The following NUP153 variants were observed in gnomAD, a reference collection of about 807,000 sequenced individuals.
NUP153 encodes the protein nucleoporin 153, also known as nuclear pore complex protein Nup153.
In NUP153, 27 loss-of-function variants were observed where a neutral mutation model predicts 134.6. The observed-to-expected ratio is 0.20, with a 90% CI of 0.15 to 0.28. The LOEUF (loss-of-function observed/expected upper bound fraction) is 0.28, where lower values mean the gene tolerates loss of function less well. NUP153 is among the 10% of genes least tolerant of loss of function. The pLI, the probability that NUP153 is intolerant of heterozygous loss-of-function variation, is 1.00. For missense variants in NUP153, 1,821 were observed against 1,731.3 expected (o/e 1.05, Z -0.92); for synonymous variants, 640 against 623.5 (o/e 1.03, Z -0.40).
At chr6:17,643,647 G>A (rs1765975505) in intron 14 of NUP153, among the ~76,000 whole-genome samples, 1 of 152,156 alleles carries the variant, frequency 6.6e-6, no homozygotes, top group Non-Finnish European at 1.5e-5. Context: ...AGGAGACAAT[G>A]GAAAACTTAG....
intron 11 of NUP153, among the ~76,000 whole-genome samples, chr6:17,657,561 C>CA (rs200578642): frequency 6.2e-4 from 93 of 151,096 alleles, no homozygotes; most frequent in Middle Eastern, 3.4e-3. Context: ...GACCCTGTCT[C>CA]AAAAAAAACA....
chr6:17,616,564 A>C lies in NUP153; in HGVS notation c.4306T>G (p.Phe1436Val), dbSNP rs1221774812. 6.2e-7 allele frequency: 1 copy of C among 1,613,782 alleles called. No individual in the cohort carries two copies. Among genetic ancestry groups the C allele is most frequent in the Non-Finnish European group, 8.5e-7 (1 of 1,179,946 alleles). ...GCTGCTGGAGACTGGTTAAATGGAA[A>C]GCCCCCCGAGCCTGAAGGCTGGGCT... ...ASAQPSGSGGFPFNQSPAAFT... is the reference protein window; with the variant it reads ...ASAQPSGSGGVPFNQSPAAFT... The change falls in exon 21 of 22, where the codon TTT becomes GTT. Residue 1436 changes from phenylalanine (F) to valine (V), a missense_variant. By Grantham distance (50) the Phe-to-Val change is conservative (BLOSUM62 -1). Coordinates refer to ENST00000262077, the MANE Select transcript of NUP153 (RefSeq NM_005124.4).
At chr6:17,690,729 C>G (rs1561908365) in intron 1 of NUP153, among the ~76,000 whole-genome samples, 1 of 152,016 alleles carries the variant, frequency 6.6e-6, no homozygotes, top group Non-Finnish European at 1.5e-5. Flanking sequence ...AAAATCAAGG[C>G]AGAATATATA....
chr6:17,663,999 A>G (rs1767358692), intron 9 of NUP153, among the ~76,000 whole-genome samples: 1 of 152,218 alleles, frequency 6.6e-6, no homozygotes, highest in Admixed American at 6.5e-5. Context: ...ATTACAGCCA[A>G]AAAGTAAAAC....
Position 17,640,047 on chromosome 6 carries a change from C to A in NUP153, c.1738G>T (p.Val580Leu). The A allele has an allele frequency of 6.3e-7, 1 of 1,594,952 alleles. No individual in the cohort carries two copies. The highest frequency in any genetic ancestry group is 8.5e-7 in the Non-Finnish European group (1 of 1,172,270). Residue 580 changes from valine (V) to leucine (L), a missense_variant, in exon 15 of 22, where the codon GTG becomes TTG. Transcript: ENST00000262077. Reference protein sequence around the residue: ...ISSSAHHVTTVNSTNCKKTPP... With the variant: ...ISSSAHHVTTLNSTNCKKTPP... The stretch of plus-strand genomic sequence containing the variant: ...GTCTTCTTACAATTTGTACTGTTCA[C>A]TGTAGTGACATGATGAGCTGTAATT...
chr6:17,621,822 T>C lies in NUP153; in HGVS notation c.4174+2739A>G, dbSNP rs563947131. 1.1e-4 allele frequency among the ~76,000 whole-genome samples: 16 copies of C among 152,328 alleles called. No individual in the cohort carries two copies. The South Asian group carries it at 3.1e-3, about 30-fold the overall frequency. On this transcript the variant is annotated intron_variant, in intron 20 of 21. Transcript: ENST00000262077. ...AATTTATTGTACATTTCAAAATAGC[T>C]AGAAGTTCTGAAATGTTCCCAACAC...
Position 17,661,512 on chromosome 6 carries a change from G to A in NUP153, c.1395+141C>T, listed in dbSNP as rs4716172. 1 allele frequency: 676,449 copies of A among 677,578 alleles called. 337,671 individuals carry two copies. The highest frequency in any genetic ancestry group is 1 in the East Asian group (30,955 of 30,956). The allele number at this position is 677,578 out of a possible 1,614,324, so 42.0% of individuals were successfully genotyped here. A position where few individuals can be genotyped will look rare whatever the true frequency, so the allele number is the denominator to read the frequency against. ...AGGTACTAGATTAGGTTTTCAGCATGCATTTTGAAAGAACTGATTCAATAG... is the reference window on the plus strand; with the variant it reads ...AGGTACTAGATTAGGTTTTCAGCATACATTTTGAAAGAACTGATTCAATAG... On this transcript the variant is annotated intron_variant, in intron 11 of 21. Transcript: ENST00000262077.
At position 17,701,844 on chromosome 6, in the gene NUP153, GA is replaced by G. The variant is rs71002249; in HGVS notation, c.111+4432del. The stretch of plus-strand genomic sequence containing the variant: ...CAAGACTCTGTCTCGGGGGGGGGGG[GA>G]AAAAAGCTAAATGCAGGAACTGACT... On this transcript the variant is annotated intron_variant, in intron 1 of 21. Coordinates refer to ENST00000262077, the MANE Select transcript of NUP153 (RefSeq NM_005124.4). Among the ~76,000 whole-genome samples, 45 of 81,738 alleles carry G rather than the reference GA, an allele frequency of 5.5e-4. 9 individuals carry two copies. Among genetic ancestry groups the G allele is most frequent in the Admixed American group, 9.8e-4 (7 of 7,120 alleles). 53.6% of individuals were successfully genotyped at this position (81,738 alleles called of 152,430 possible). A position where few individuals can be genotyped will look rare whatever the true frequency, so the allele number is the denominator to read the frequency against.
rs762142682 is a variant in NUP153 at position 17,668,069 on chromosome 6, CTTT to C, written c.1068+903_1068+905del. Among the ~76,000 whole-genome samples the C allele has an allele frequency of 3.1e-3, 270 of 87,220 alleles. 3 individuals carry two copies. The highest frequency in any genetic ancestry group is 0.03 in the East Asian group (71 of 2,402). The allele number at this position is 87,220 out of a possible 152,430, so 57.2% of individuals were successfully genotyped here. ...GCAATGAGGACTTTAGTTTACTGAA[CTTT>C]TTTTTTTTTTTTTTTTTTTTTGAGA... On this transcript the variant is annotated intron_variant, in intron 8 of 21. Transcript: ENST00000262077.
intron 17 of NUP153, among the ~76,000 whole-genome samples, chr6:17,632,393 ACT>A (rs1419860164): frequency 2.0e-5 from 3 of 151,948 alleles, no homozygotes; most frequent in Non-Finnish European, 2.9e-5. Context: ...AAAAACAAAA[ACT>A]CTCTGAGGCT....
chr6:17,618,759 G>A lies in NUP153; in HGVS notation c.4175-2064C>T, dbSNP rs527439027. On this transcript the variant is annotated intron_variant, in intron 20 of 21. Transcript: ENST00000262077. Reference sequence around the variant, plus strand: ...TTTTTGTATTTCTTAGTAGAGATGGGGTTTCACCGTGTTAGCCAGGATGGT... The same window carrying A: ...TTTTTGTATTTCTTAGTAGAGATGGAGTTTCACCGTGTTAGCCAGGATGGT... 7.9e-5 allele frequency among the ~76,000 whole-genome samples: 12 copies of A among 152,132 alleles called. No individual in the cohort carries two copies. The East Asian group carries it at 2.1e-3, about 27-fold the overall frequency.
At chr6:17,683,048 G>C (rs891448626) in intron 2 of NUP153, among the ~76,000 whole-genome samples, 7 of 151,776 alleles carry the variant, frequency 4.6e-5, no homozygotes, top group Non-Finnish European at 1.0e-4. Flanking sequence ...TCTAATTTTA[G>C]TTTTCTTTCT....
At chr6:17,637,084 T>C in intron 16 of NUP153, 69 bp downstream of exon 16, 2 of 1,392,878 alleles carry the variant, frequency 1.4e-6, no homozygotes, top group Non-Finnish European at 2.0e-6. Flanking sequence ...AAAACAAGGA[T>C]TCTTAGAATA....
At chr6:17,699,127 A>C (rs1308245961) in intron 1 of NUP153, among the ~76,000 whole-genome samples, 1 of 152,182 alleles carries the variant, frequency 6.6e-6, no homozygotes, top group Non-Finnish European at 1.5e-5. Context: ...AAACTTCCCA[A>C]CACAGAAGAA....
chr6:17,680,236 C>T lies in NUP153; in HGVS notation c.335-4466G>A, dbSNP rs1311154654. ...CATGGGAAACCAAAGAGCCTGTGGT[C>T]TGTAATACTGTAATAAAGACAGGCA... On this transcript the variant is annotated intron_variant, in intron 2 of 21. Coordinates refer to ENST00000262077, the MANE Select transcript of NUP153 (RefSeq NM_005124.4). This position sits in a 1 kb window ranked among gnomAD's most constrained non-coding sequence, Gnocchi z 4.5. Among the ~76,000 whole-genome samples the T allele has an allele frequency of 5.3e-5, 8 of 152,064 alleles. No individual in the cohort carries two copies. The highest frequency in any genetic ancestry group is 7.3e-5 in the Non-Finnish European group (5 of 68,030).
intron 1 of NUP153, among the ~76,000 whole-genome samples, chr6:17,693,952 C>G (rs940243424): frequency 3.9e-5 from 6 of 152,168 alleles, no homozygotes; most frequent in Non-Finnish European, 7.3e-5. Flanking sequence ...TTTTTCAGGT[C>G]TTTGCTTATA....
chr6:17,669,081 C>T (rs1169436173), intron 7 of NUP153, 53 bp from the exon 8 acceptor site: 12 of 930,460 alleles, frequency 1.3e-5, no homozygotes, highest in South Asian at 1.9e-5. Flanking sequence ...TGAAAAATAC[C>T]TTTTTTTTTT....
At chr6:17,649,767 TGTTA>T (rs1766409096) in intron 11 of NUP153, among the ~76,000 whole-genome samples, 1 of 152,228 alleles carries the variant, frequency 6.6e-6, no homozygotes, top group African/African-American at 2.4e-5. Flanking sequence ...TTATTGTTGT[TGTTA>T]ATCTCTGACT....
intron 18 of NUP153, among the ~76,000 whole-genome samples, chr6:17,626,455 T>C (rs1026104380): frequency 6.6e-6 from 1 of 152,198 alleles, no homozygotes; most frequent in South Asian, 2.1e-4. Flanking sequence ...GATACTGTAG[T>C]TGAATAGCAA....
Sources: allele counts gnomAD v4.1 joint callset (sites outside exome capture counted in the v4.1 genomes callset), GRCh38; gene constraint gnomAD v4.1.1; non-coding constraint Gnocchi (gnomAD v3.1); transcripts MANE v1.5; gene names NCBI Gene and HGNC (gene_info 2026-07-23, HGNC 2026-07-21).